Variants in SERPINE2 observed in about 807,000 individuals in gnomAD.
The protein encoded by SERPINE2 is glia-derived nexin.
In SERPINE2, 14 loss-of-function variants were observed where a neutral mutation model predicts 36.3. That is an observed-to-expected ratio of 0.39 (90% CI 0.25 to 0.60). The LOEUF (loss-of-function observed/expected upper bound fraction) is 0.60, where lower values mean the gene tolerates loss of function less well. SERPINE2 is among the 20% of genes least tolerant of loss of function. The probability of loss-of-function intolerance (pLI) is 0.57; values close to 1 mark genes in which losing one functional copy is unlikely to be tolerated. For synonymous variants in SERPINE2, 192 were observed against 191.8 expected, an observed-to-expected ratio of 1.00 and a Z score of -0.01; for missense variants, 418 against 499.6, an observed-to-expected ratio of 0.84 and a Z score of 1.56.
intron 6 of SERPINE2, chr2:223,982,127 A>C (rs1434135767): frequency 1.3e-5 from 2 of 150,150 alleles, no homozygotes; most frequent in African/African-American, 2.5e-5. Flanking sequence ...ACATCATGGA[A>C]TACTACTCAG....
Position 223,987,311 on chromosome 2 carries a change from T to C in SERPINE2, c.686-2361A>G, listed in dbSNP as rs370150367. On this transcript the variant is annotated intron_variant, in intron 4 of 8. Coordinates refer to ENST00000409304, the MANE Select transcript of SERPINE2 (RefSeq NM_001136528.2). ...TGCAATGTGAGGTCCCTGCTCACAGTCTAAACACAAAATCGGCCCACCCAG... is the reference window on the plus strand; with the variant it reads ...TGCAATGTGAGGTCCCTGCTCACAGCCTAAACACAAAATCGGCCCACCCAG... 5.9e-5 allele frequency among the ~76,000 whole-genome samples: 9 copies of C among 152,164 alleles called. No homozygotes were observed. In the East Asian group the frequency reaches 7.7e-4, roughly 13 times the overall value.
chr2:224,020,205 T>C (rs1431754907), intron 1 of SERPINE2, among the ~76,000 whole-genome samples: 1 of 152,150 alleles, frequency 6.6e-6, no homozygotes, highest in African/African-American at 2.4e-5. Context: ...CATGGAAAGG[T>C]TGAACTGTCT....
chr2:223,982,980 A>T (rs1224186581), intron 5 of SERPINE2, among the ~76,000 whole-genome samples, 199 bp from the exon 6 acceptor site: 1 of 152,210 alleles, frequency 6.6e-6, no homozygotes, highest in Non-Finnish European at 1.5e-5. Flanking sequence ...AGCTGGCAAA[A>T]TGAGTCATAT....
At chr2:223,993,044 G>A (rs772772520) in intron 3 of SERPINE2, among the ~76,000 whole-genome samples, 3 of 152,128 alleles carry the variant, frequency 2.0e-5, no homozygotes, top group Non-Finnish European at 2.9e-5. Flanking sequence ...AGGGTCGCCC[G>A]AGCCCAGGAG....
At chr2:224,038,862 G>A (rs1241850600) in intron 1 of SERPINE2, 2 of 248,084 alleles carry the variant, frequency 8.1e-6, no homozygotes, top group African/African-American at 4.5e-5. Context: ...CGGGGCTCCC[G>A]GCGGGCGGGA....
intron 1 of SERPINE2, among the ~76,000 whole-genome samples, chr2:224,020,567 G>C (rs1286612119): frequency 1.3e-5 from 2 of 152,080 alleles, no homozygotes; most frequent in African/African-American, 4.8e-5. Flanking sequence ...CACCTCTGCA[G>C]GAATGCGAAA....
intron 1 of SERPINE2, among the ~76,000 whole-genome samples, chr2:224,028,805 G>A (rs1692269576): frequency 6.6e-6 from 1 of 152,136 alleles, no homozygotes; most frequent in Non-Finnish European, 1.5e-5. Context: ...AGCTATGGTG[G>A]GAGGAGCCCA....
intron 2 of SERPINE2, among the ~76,000 whole-genome samples, chr2:224,001,067 C>T (rs147824826): frequency 4.6e-5 from 7 of 152,276 alleles, no homozygotes; most frequent in East Asian, 3.9e-4. Flanking sequence ...GTGGTACCGT[C>T]GTTGCATCAG....
chr2:224,025,387 G>C (rs1024861053), intron 1 of SERPINE2, among the ~76,000 whole-genome samples: 2 of 152,170 alleles, frequency 1.3e-5, no homozygotes, highest in African/African-American at 4.8e-5. Flanking sequence ...CCCTCCTCCA[G>C]CGTTAATTCT....
chr2:224,025,582 T>C (rs187026219), intron 1 of SERPINE2, among the ~76,000 whole-genome samples: 29 of 152,324 alleles, frequency 1.9e-4, no homozygotes, highest in African/African-American at 6.3e-4. Flanking sequence ...ATAGTACTTT[T>C]CATTCCATGT....
At chr2:224,006,851 C>G (rs1405144421) in intron 1 of SERPINE2, among the ~76,000 whole-genome samples, 3 of 152,190 alleles carry the variant, frequency 2.0e-5, no homozygotes, top group African/African-American at 7.2e-5. Flanking sequence ...ACCCCCATGG[C>G]AAATGTTCTG....
chr2:224,013,801 T>C (rs1394757449), intron 1 of SERPINE2: 1 of 152,224 alleles, frequency 6.6e-6, no homozygotes. Context: ...AGGCTGGGGC[T>C]CCTCTATTCC....
At chr2:223,984,686 T>C (rs1180887352) in intron 5 of SERPINE2, 66 bp downstream of exon 5, 1 of 1,480,624 alleles carries the variant, frequency 6.8e-7, no homozygotes, top group Admixed American at 1.9e-5. Context: ...TGTTGTCTGG[T>C]GTCCGACATA....
Position 224,025,213 on chromosome 2 carries a change from T to G in SERPINE2, c.-23+13886A>C, listed in dbSNP as rs566464077. ...GGGCTTCTCCCAGGGACAGGTCACCTGCCCGCCCCTTGCCCAGTCCCCTGG... is the reference window on the plus strand; with the variant it reads ...GGGCTTCTCCCAGGGACAGGTCACCGGCCCGCCCCTTGCCCAGTCCCCTGG... On this transcript the variant is annotated intron_variant, in intron 1 of 8. Coordinates refer to ENST00000409304, the MANE Select transcript of SERPINE2 (RefSeq NM_001136528.2). 2.0e-3 allele frequency among the ~76,000 whole-genome samples: 298 copies of G among 152,326 alleles called. 3 individuals carry two copies. The highest frequency in any genetic ancestry group is 7.0e-3 in the African/African-American group (289 of 41,582).
intron 4 of SERPINE2, 46 bp downstream of exon 4, chr2:223,991,757 T>C: frequency 1.3e-6 from 2 of 1,598,174 alleles, no homozygotes; most frequent in East Asian, 2.2e-5. Context: ...AGGGCCTTTC[T>C]GCCGCCAGCA....
chr2:224,033,826 T>C (rs1692453420), intron 1 of SERPINE2, among the ~76,000 whole-genome samples: 1 of 152,322 alleles, frequency 6.6e-6, no homozygotes, highest in Non-Finnish European at 1.5e-5. Flanking sequence ...GAGGTTCAGA[T>C]GAGGATAACT....
chr2:224,001,648 C>T lies in SERPINE2; in HGVS notation c.253G>A (p.Val85Ile), dbSNP rs1189106460. Residue 85 changes from valine to isoleucine, a missense_variant, in exon 2 of 9, where the codon GTA becomes ATA. Transcript: ENST00000409304. Reference sequence around the variant, plus strand: ...AGCAATTGTGCACACGCACCATTTACGCCGTATCTCATCACCATGGCGAGC... The same window carrying T: ...AGCAATTGTGCACACGCACCATTTATGCCGTATCTCATCACCATGGCGAGC... ...KQLAMVMRYG[V>I]NGVGKILKKI... The T allele has an allele frequency of 1.1e-5, 17 of 1,613,334 alleles. No individual in the cohort carries two copies. The highest frequency in any genetic ancestry group is 4.5e-5 in the East Asian group (2 of 44,888).
At chr2:224,038,123 A>G (rs926397967) in intron 1 of SERPINE2, among the ~76,000 whole-genome samples, 27 of 152,246 alleles carry the variant, frequency 1.8e-4, no homozygotes, top group African/African-American at 6.5e-4. Flanking sequence ...AAGTTTTGAT[A>G]TAAAATCTTC....
chr2:223,978,259 C>T (rs1175908801), intron 7 of SERPINE2: 1 of 152,528 alleles, frequency 6.6e-6, no homozygotes, highest in African/African-American at 2.4e-5. Flanking sequence ...GAACTCCTGA[C>T]CTCAAGTGAT....
Sources: gnomAD v4.1 joint callset for allele counts (sites outside exome capture counted in the v4.1 genomes callset) on GRCh38, gnomAD v4.1.1 for gene constraint, MANE v1.5 for transcripts, NCBI Gene and HGNC (gene_info 2026-07-23, HGNC 2026-07-21) for gene names.